The following ZFAND3 variants were observed in gnomAD, a reference collection of about 807,000 sequenced individuals.
ZFAND3 encodes the protein zinc finger AN1-type containing 3.
A neutral mutation model predicts 29.6 loss-of-function variants in ZFAND3; 10 were observed. The ratio of observed to expected loss-of-function variants is 0.34; its 90% CI spans 0.21 to 0.57. The LOEUF (loss-of-function observed/expected upper bound fraction) is 0.57, where lower values mean the gene tolerates loss of function less well. Ranked by LOEUF, ZFAND3 falls within the 20% of genes least tolerant of loss-of-function variation. The probability of loss-of-function intolerance (pLI) is 0.86; values close to 1 mark genes in which losing one functional copy is unlikely to be tolerated. For synonymous variants in ZFAND3, 128 were observed against 112.6 expected, an observed-to-expected ratio of 1.14 and a Z score of -0.87; for missense variants, 230 against 304.5, an observed-to-expected ratio of 0.76 and a Z score of 1.82.
chr6:37,827,306 A>G (rs1293232359), intron 1 of ZFAND3, among the ~76,000 whole-genome samples: 13 of 152,222 alleles, frequency 8.5e-5, no homozygotes. Flanking sequence ...CTCTTTTAGC[A>G]CTGTTAAACT....
intron 1 of ZFAND3, among the ~76,000 whole-genome samples, chr6:37,896,653 C>A (rs1313624213): frequency 6.9e-6 from 1 of 144,042 alleles, no homozygotes; most frequent in Non-Finnish European, 1.5e-5. Flanking sequence ...TTCCTGCCTG[C>A]CTGCCTTCTG....
intron 1 of ZFAND3, among the ~76,000 whole-genome samples, chr6:37,914,658 CTTTCTTTTTT>C (rs1231124721): frequency 6.1e-5 from 5 of 82,140 alleles, no homozygotes; most frequent in Admixed American, 2.1e-4. Context: ...TTCTTTCTTT[CTTTCTTTTTT>C]TTTCTTTTTT....
chr6:37,899,680 A>G (rs1320324265), intron 1 of ZFAND3, among the ~76,000 whole-genome samples: 2 of 152,354 alleles, frequency 1.3e-5, no homozygotes, highest in East Asian at 1.9e-4. Flanking sequence ...TTATCTTTGC[A>G]TATTTCAAAT....
rs370968806 is a variant in ZFAND3 at position 38,086,983 on chromosome 6, A to G, written c.361+4526A>G. On this transcript the variant is annotated intron_variant, in intron 4 of 5. Transcript: ENST00000287218. ...AACCAGAACAACCTCAAACTGGCAT[A>G]AAAAGATATGTAGACCAATGGAATG... is the stretch of plus-strand genomic sequence containing the variant. 2.6e-5 allele frequency among the ~76,000 whole-genome samples: 4 copies of G among 152,336 alleles called. No individual in the cohort carries two copies. In the East Asian group the frequency reaches 5.8e-4, roughly 22 times the overall value.
chr6:37,922,648 C>T (rs1561935220), intron 1 of ZFAND3, among the ~76,000 whole-genome samples: 1 of 152,310 alleles, frequency 6.6e-6, no homozygotes, highest in East Asian at 1.9e-4. Flanking sequence ...TCCACACCTA[C>T]ACTATATGGT....
At chr6:37,896,723 T>C (rs929054090) in intron 1 of ZFAND3, among the ~76,000 whole-genome samples, 4 of 151,586 alleles carry the variant, frequency 2.6e-5, no homozygotes, top group African/African-American at 9.7e-5. Flanking sequence ...AATGCCCTTA[T>C]TGAGTTTTGG....
intron 1 of ZFAND3, among the ~76,000 whole-genome samples, chr6:37,872,341 G>T (rs1764710062): frequency 6.6e-6 from 1 of 152,134 alleles, no homozygotes; most frequent in South Asian, 2.1e-4. Context: ...AGAGTTTATG[G>T]TTTTTACGTA....
intron 2 of ZFAND3, among the ~76,000 whole-genome samples, chr6:38,035,514 T>G (rs1251538504): frequency 6.6e-6 from 1 of 152,210 alleles, no homozygotes; most frequent in Non-Finnish European, 1.5e-5. Flanking sequence ...TAGGTACCCA[T>G]GTTCTGAGTT....
intron 1 of ZFAND3, among the ~76,000 whole-genome samples, chr6:37,856,460 C>T (rs1231710349): frequency 6.6e-6 from 1 of 152,156 alleles, no homozygotes; most frequent in Non-Finnish European, 1.5e-5. Context: ...TATAGCTTTT[C>T]GTGACTGCTT....
intron 2 of ZFAND3, among the ~76,000 whole-genome samples, chr6:38,037,857 T>C (rs886111501): frequency 2.0e-5 from 3 of 152,254 alleles, no homozygotes; most frequent in Admixed American, 2.0e-4. Flanking sequence ...ATCATATTCC[T>C]GAATGTTTAC....
chr6:38,120,886 A>G (rs1296094352), intron 5 of ZFAND3, among the ~76,000 whole-genome samples: 2 of 152,208 alleles, frequency 1.3e-5, no homozygotes, highest in African/African-American at 2.4e-5. Context: ...GGAGTAGTTG[A>G]TCATCTCCAA....
chr6:38,137,862 G>A (rs745948628), intron 5 of ZFAND3, among the ~76,000 whole-genome samples: 12 of 152,178 alleles, frequency 7.9e-5, no homozygotes, highest in Non-Finnish European at 1.5e-4. Flanking sequence ...TGGCCAGCCC[G>A]GCCAGAGCAC....
rs577088762 is a variant in ZFAND3, at chr6:38,044,999, T to C, written c.113-16594T>C. ...TTAGATCTGTTACTTAGACTTGGCA[T>C]GTCTTACCTTAAAACCTGTTTAGTT... On this transcript the variant is annotated intron_variant, in intron 2 of 5. Transcript: ENST00000287218. Among the ~76,000 whole-genome samples, 3 of 152,216 alleles carry C rather than the reference T, an allele frequency of 2.0e-5. No individual in the cohort carries two copies. In the South Asian group the frequency reaches 6.2e-4, roughly 32 times the overall value.
intron 4 of ZFAND3, among the ~76,000 whole-genome samples, chr6:38,113,865 A>G (rs1050848627): frequency 6.6e-6 from 1 of 152,218 alleles, no homozygotes; most frequent in African/African-American, 2.4e-5. Flanking sequence ...TGTTTTAGAA[A>G]TGGGTGCTTT....
chr6:38,070,402 G>A (rs1274941751), intron 3 of ZFAND3, among the ~76,000 whole-genome samples: 1 of 139,040 alleles, frequency 7.2e-6, no homozygotes, highest in Non-Finnish European at 1.5e-5. Flanking sequence ...CAACAAGAAT[G>A]AAACTTAGTC....
In ZFAND3 at chr6:37,923,341, G is replaced by T. The variant is rs566341138; in HGVS notation, c.72-6618G>T. Among the ~76,000 whole-genome samples the T allele has an allele frequency of 3.8e-4, 58 of 152,308 alleles. 1 individual carries two copies. In the South Asian group the frequency reaches 0.011, roughly 29 times the overall value. ...ACATGCACACAATTATCCTAGGCCTGCACAGAGTCAGGAGCATCACTGTCT... is the reference window on the plus strand; with the variant it reads ...ACATGCACACAATTATCCTAGGCCTTCACAGAGTCAGGAGCATCACTGTCT... On this transcript the variant is annotated intron_variant, in intron 1 of 5. Coordinates refer to ENST00000287218, the MANE Select transcript of ZFAND3 (RefSeq NM_021943.3).
intron 1 of ZFAND3, among the ~76,000 whole-genome samples, chr6:37,821,020 G>T (rs1009840870): frequency 6.6e-6 from 1 of 152,272 alleles, no homozygotes; most frequent in Non-Finnish European, 1.5e-5. Flanking sequence ...CTCTTTTATC[G>T]TTTTGTTTTA....
chr6:37,875,766 C>T (rs1764782109), intron 1 of ZFAND3, among the ~76,000 whole-genome samples: 1 of 151,694 alleles, frequency 6.6e-6, no homozygotes, highest in Non-Finnish European at 1.5e-5. Context: ...TCAAGTGATC[C>T]TCCCGCCTCA....
intron 1 of ZFAND3, among the ~76,000 whole-genome samples, chr6:37,883,217 T>A (rs1764929140): frequency 6.6e-6 from 1 of 152,186 alleles, no homozygotes; most frequent in African/African-American, 2.4e-5. Flanking sequence ...AATGAGACTC[T>A]TTTTGTACAA....
Sources: allele counts gnomAD v4.1 joint callset (sites outside exome capture counted in the v4.1 genomes callset), GRCh38; gene constraint gnomAD v4.1.1; transcripts MANE v1.5; gene names NCBI Gene and HGNC (gene_info 2026-07-23, HGNC 2026-07-21).